GOT1: variants seen among roughly 807,000 people sequenced by gnomAD.
GOT1 encodes the protein glutamic-oxaloacetic transaminase 1.
In GOT1, 25 loss-of-function variants were observed where a neutral mutation model predicts 48.2. The observed-to-expected ratio is 0.52, with a 90% confidence interval of 0.38 to 0.72. The LOEUF (loss-of-function observed/expected upper bound fraction) is 0.72, where lower values mean the gene tolerates loss of function less well. Among genes scored for constraint, GOT1 ranks in the 30% least tolerant of loss-of-function variants. The pLI is 0.00. For missense variants in GOT1, 380 were observed against 520.1 expected (o/e 0.73, Z 2.62); for synonymous variants, 188 against 193.8 (o/e 0.97, Z 0.25).
At chr10:99,416,094 C>A (rs1482741735) in intron 2 of GOT1, among the ~76,000 whole-genome samples, 1 of 152,086 alleles carries the variant, frequency 6.6e-6, no homozygotes, top group Admixed American at 6.6e-5. Flanking sequence ...CTGGCCAGGG[C>A]AATCAGGCAG....
At chr10:99,419,664 G>A (rs1052206468) in intron 2 of GOT1, among the ~76,000 whole-genome samples, 1 of 152,162 alleles carries the variant, frequency 6.6e-6, no homozygotes, top group African/African-American at 2.4e-5. Flanking sequence ...GAGAAGGGTG[G>A]TGCCTCCAAG....
intron 1 of GOT1, among the ~76,000 whole-genome samples, chr10:99,429,789 T>G (rs2033091870): frequency 6.6e-6 from 1 of 152,144 alleles, no homozygotes; most frequent in African/African-American, 2.4e-5. Context: ...GAAAGTAAGC[T>G]TCTACCATCC....
At chr10:99,419,906 T>C (rs1177553458) in intron 2 of GOT1, among the ~76,000 whole-genome samples, 1 of 152,192 alleles carries the variant, frequency 6.6e-6, no homozygotes, top group Admixed American at 6.5e-5. Flanking sequence ...ACACACAGCC[T>C]ATCTCACTGT....
chr10:99,403,396 C>A, intron 7 of GOT1, 73 bp downstream of exon 7: 1 of 1,187,206 alleles, frequency 8.4e-7, no homozygotes, highest in Non-Finnish European at 1.2e-6. Context: ...GGAAGAGACC[C>A]AGTTAAATGT....
intron 2 of GOT1, among the ~76,000 whole-genome samples, chr10:99,409,045 G>A (rs1368660061): frequency 6.6e-6 from 1 of 152,040 alleles, no homozygotes; most frequent in Non-Finnish European, 1.5e-5. Context: ...CTAGGTGATG[G>A]ATACACAGGG....
intron 7 of GOT1, 127 bp from the exon 8 acceptor site, chr10:99,402,849 T>C (rs1330488981): frequency 6.9e-6 from 5 of 724,006 alleles, no homozygotes; most frequent in Non-Finnish European, 7.0e-6. Flanking sequence ...TATTATGGCA[T>C]GTGGATGTCT....
intron 1 of GOT1, among the ~76,000 whole-genome samples, chr10:99,426,679 A>C (rs1364227183): frequency 6.6e-6 from 1 of 152,178 alleles, no homozygotes; most frequent in Non-Finnish European, 1.5e-5. Flanking sequence ...GAGAAGCACT[A>C]AAATGATCAA....
intron 8 of GOT1, among the ~76,000 whole-genome samples, chr10:99,401,896 C>A (rs2032684145): frequency 6.6e-6 from 1 of 151,894 alleles, no homozygotes; most frequent in African/African-American, 2.4e-5. Context: ...CAAGCTCTGC[C>A]TCCTGGATTC....
chr10:99,403,566 T>A lies in GOT1; in HGVS notation c.862A>T (p.Met288Leu). 6.2e-7 allele frequency: 1 copy of A among 1,614,130 alleles called. No homozygotes were observed. The highest frequency in any genetic ancestry group is 1.3e-5 in the African/African-American group (1 of 75,044). The change falls in exon 7 of 9, where the codon ATG (methionine) becomes TTG (leucine). Residue 288 changes from methionine (M) to leucine (L), a missense_variant. Transcript: ENST00000370508. Reference protein sequence around the residue: ...PESILQVLSQMEKIVRITWSN... With the variant: ...PESILQVLSQLEKIVRITWSN... ...CAAGTAATCCGCACGATCTTCTCCA[T>A]CTGGGAAAGGACTTGCAGGATGCTC... is the stretch of plus-strand genomic sequence containing the variant.
chr10:99,429,008 T>C (rs2033076331), intron 1 of GOT1, among the ~76,000 whole-genome samples: 1 of 152,080 alleles, frequency 6.6e-6, no homozygotes, highest in Non-Finnish European at 1.5e-5. Flanking sequence ...ACCATCACTT[T>C]TCAATGGATT....
intron 2 of GOT1, among the ~76,000 whole-genome samples, chr10:99,419,175 G>A (rs1372364816): frequency 6.6e-6 from 1 of 152,156 alleles, no homozygotes; most frequent in Non-Finnish European, 1.5e-5. Context: ...GAATAAATCA[G>A]ATGACTCCAA....
At chr10:99,409,921 A>T (rs1367884034) in intron 2 of GOT1, among the ~76,000 whole-genome samples, 2 of 152,234 alleles carry the variant, frequency 1.3e-5, no homozygotes, top group Admixed American at 1.3e-4. Flanking sequence ...TTCTGTTTGT[A>T]TTTATAGGTG....
intron 1 of GOT1, among the ~76,000 whole-genome samples, chr10:99,424,577 T>C (rs2033013912): frequency 6.6e-6 from 1 of 152,180 alleles, no homozygotes. Context: ...TAATATGTCA[T>C]TCACAAATAA....
rs760867860 is a variant in GOT1, at chr10:99,430,540, T to G, written c.26A>C (p.Glu9Ala). 6.2e-7 allele frequency: 1 copy of G among 1,607,718 alleles called. No homozygotes were observed. Among genetic ancestry groups the G allele is most frequent in the Admixed American group, 1.7e-5 (1 of 59,018 alleles). Residue 9 changes from glutamate (E) to alanine (A), a missense_variant, in exon 1 of 9, where the codon GAG becomes GCG. By Grantham distance (107) the Glu-to-Ala change is moderately radical. Transcript: ENST00000370508. MAPPSVFAEVPQAQPVLVF... is the reference protein window; with the variant it reads MAPPSVFAAVPQAQPVLVF... ...CAGGACAGGCTGGGCCTGCGGAACCTCGGCAAAGACTGACGGAGGTGCCAT... is the reference window on the plus strand; with the variant it reads ...CAGGACAGGCTGGGCCTGCGGAACCGCGGCAAAGACTGACGGAGGTGCCAT...
chr10:99,416,039 G>A (rs902901351), intron 2 of GOT1, among the ~76,000 whole-genome samples: 6 of 152,176 alleles, frequency 3.9e-5, no homozygotes, highest in African/African-American at 1.4e-4. Context: ...CACAAGACAG[G>A]GATGTCCTCT....
chr10:99,412,572 C>T (rs1233881830), intron 2 of GOT1, among the ~76,000 whole-genome samples: 2 of 151,686 alleles, frequency 1.3e-5, no homozygotes, highest in Non-Finnish European at 2.9e-5. Flanking sequence ...CTTAAATGTC[C>T]CTGTCTGACA....
At chr10:99,413,114 A>G (rs1394046559) in intron 2 of GOT1, among the ~76,000 whole-genome samples, 2 of 152,256 alleles carry the variant, frequency 1.3e-5, no homozygotes, top group Non-Finnish European at 2.9e-5. Context: ...AGTTGAGAGA[A>G]GAAGGCTTCA....
In GOT1 at chr10:99,423,736, C is replaced by A. The variant is rs60095235; in HGVS notation, c.119-2931G>T. ...CGAACACAGCTCACTGCAGCTTCAA[C>A]CCCCTGGGCTCAAGCAATTCTCTTG... On this transcript the variant is annotated intron_variant, in intron 1 of 8. Coordinates refer to ENST00000370508, the MANE Select transcript of GOT1 (RefSeq NM_002079.3). Among the ~76,000 whole-genome samples the A allele has an allele frequency of 4.5e-3, 691 of 152,258 alleles. 2 individuals carry two copies. Among genetic ancestry groups the A allele is most frequent in the Middle Eastern group, 0.034 (10 of 294 alleles).
intron 2 of GOT1, among the ~76,000 whole-genome samples, chr10:99,418,026 C>T (rs1316878030): frequency 3.4e-5 from 5 of 147,892 alleles, no homozygotes; most frequent in Non-Finnish European, 7.5e-5. Flanking sequence ...GTTATGCACA[C>T]GTACCCTAGA....
Sources: allele counts gnomAD v4.1 joint callset (sites outside exome capture counted in the v4.1 genomes callset), GRCh38; gene constraint gnomAD v4.1.1; transcripts MANE v1.5; gene names NCBI Gene and HGNC (gene_info 2026-07-23, HGNC 2026-07-21).